HADHA: variants seen among roughly 807,000 people sequenced by gnomAD.
HADHA encodes the protein hydroxyacyl-CoA dehydrogenase trifunctional multienzyme complex subunit alpha.
Under a neutral mutation model 91.3 loss-of-function variants are expected in HADHA, and 59 were observed. That is an observed-to-expected ratio of 0.65 (90% confidence interval 0.52 to 0.80). The LOEUF (loss-of-function observed/expected upper bound fraction) is 0.80. Ranked by LOEUF, HADHA falls within the 30% of genes least tolerant of loss-of-function variation. The probability of loss-of-function intolerance (pLI) is 0.00; values close to 1 mark genes in which losing one functional copy is unlikely to be tolerated. For synonymous variants in HADHA, 320 were observed against 338.9 expected (o/e 0.94, Z 0.61); for missense variants, 800 against 927.6 (o/e 0.86, Z 1.79).
Position 26,199,755 on chromosome 2 carries a change from G to A in HADHA, c.1392+1394C>T, listed in dbSNP as rs190093855. Among the ~76,000 whole-genome samples the A allele has an allele frequency of 8.6e-5, 13 of 151,990 alleles. No individual in the cohort carries two copies. In the East Asian group the frequency reaches 2.3e-3, roughly 27 times the overall value. On this transcript the variant is annotated intron_variant, in intron 13 of 19. Coordinates refer to ENST00000380649, the MANE Select transcript of HADHA (RefSeq NM_000182.5). ...TTTTTTCTTCCTGACAATAAACTTA[G>A]GAAGCTCAGTAGCTTCTGCTTTTGT... is the stretch of plus-strand genomic sequence containing the variant.
chr2:26,193,495 G>T, intron 17 of HADHA, 82 bp downstream of exon 17: 1 of 1,148,664 alleles, frequency 8.7e-7, no homozygotes, highest in Non-Finnish European at 1.3e-6. Context: ...TTCCACGAGG[G>T]CTTCTGTAAC....
chr2:26,216,730 C>T (rs2147771030), intron 7 of HADHA, among the ~76,000 whole-genome samples: 1 of 152,232 alleles, frequency 6.6e-6, no homozygotes, highest in South Asian at 2.1e-4. Flanking sequence ...AGTCATAATC[C>T]TGAGGGAGGC....
chr2:26,239,220 T>C (rs942972038), intron 1 of HADHA, 77 bp from the exon 2 acceptor site: 3 of 976,320 alleles, frequency 3.1e-6, no homozygotes, highest in Non-Finnish European at 5.0e-6. Flanking sequence ...AAGCTGTAAT[T>C]TACAATAATA....
At chr2:26,227,532 G>T (rs894172849) in intron 7 of HADHA, among the ~76,000 whole-genome samples, 3 of 150,580 alleles carry the variant, frequency 2.0e-5, no homozygotes, top group Admixed American at 6.6e-5. Flanking sequence ...AAAGAAAAAA[G>T]AACTGTTACT....
At chr2:26,199,767 G>C (rs1669781681) in intron 13 of HADHA, among the ~76,000 whole-genome samples, 1 of 152,024 alleles carries the variant, frequency 6.6e-6, no homozygotes, top group South Asian at 2.1e-4. Flanking sequence ...AAGCTCAGTA[G>C]CTTCTGCTTT....
At position 26,244,569 on chromosome 2, in the gene HADHA, G is replaced by A; in HGVS notation, c.28C>T (p.Leu10Phe). 1 of 1,588,204 alleles carries A rather than the reference G, an allele frequency of 6.3e-7. No homozygotes were observed. The change falls in exon 1 of 20, where the codon CTC (leucine) becomes TTC (phenylalanine). Residue 10 changes from leucine (L) to phenylalanine (F), a missense_variant. Coordinates refer to ENST00000380649, the MANE Select transcript of HADHA (RefSeq NM_000182.5). MVACRAIGILSRFSAFRILR... is the reference protein window; with the variant it reads MVACRAIGIFSRFSAFRILR... ...ATCCTGAAGGCAGAAAAGCGGCTGA[G>A]GATGCCAATCGCCCGGCAGGCCACC... is the stretch of plus-strand genomic sequence containing the variant.
chr2:26,219,197 C>T (rs1006863070), intron 7 of HADHA, among the ~76,000 whole-genome samples: 15 of 150,054 alleles, frequency 1.0e-4, no homozygotes, highest in Admixed American at 7.9e-4. Flanking sequence ...GGTGTGATCT[C>T]GGCTCACTGC....
At chr2:26,202,367 T>C (rs1427949577) in intron 12 of HADHA, among the ~76,000 whole-genome samples, 1 of 152,172 alleles carries the variant, frequency 6.6e-6, no homozygotes, top group Non-Finnish European at 1.5e-5. Context: ...AAATGAAGAA[T>C]GAAGCTAAAC....
In HADHA at chr2:26,197,893, C is replaced by T. The variant is rs1456934894; in HGVS notation, c.1393-116G>A. On this transcript the variant is annotated intron_variant, in intron 13 of 19. Transcript: ENST00000380649. ...GCCCACTCTGTCCCCCACAACTGCT[C>T]AGACAGTAGATGTCACTCACCCAGA... is the stretch of plus-strand genomic sequence containing the variant. 22 of 736,942 alleles carry T rather than the reference C, an allele frequency of 3.0e-5. No individual in the cohort carries two copies. The East Asian group carries it at 5.0e-4, about 17-fold the overall frequency. The allele number at this position is 736,942 out of a possible 1,614,324, so 45.7% of individuals were successfully genotyped here. A position where few individuals can be genotyped will look rare whatever the true frequency, so the allele number is the denominator to read the frequency against.
At chr2:26,241,480 A>C (rs12185612) in intron 1 of HADHA, among the ~76,000 whole-genome samples, 37,851 of 146,900 alleles carry the variant, frequency 0.26, 4,784 homozygotes, top group Middle Eastern at 0.33. Flanking sequence ...ACAACAACAA[A>C]AAAAAAAAAA....
intron 11 of HADHA, among the ~76,000 whole-genome samples, chr2:26,208,393 C>T (rs1330154803): frequency 6.6e-6 from 1 of 152,122 alleles, no homozygotes; most frequent in Non-Finnish European, 1.5e-5. Flanking sequence ...GAGATGTATA[C>T]TACCTCCATA....
Position 26,210,328 on chromosome 2 carries a change from A to C in HADHA, c.976-439T>G, listed in dbSNP as rs1354661976. ...AGTGGCAGAAATGGAACTTGAACCAAGACAGTATGACTCTGAACTCCAGTT... is the reference window on the plus strand; with the variant it reads ...AGTGGCAGAAATGGAACTTGAACCACGACAGTATGACTCTGAACTCCAGTT... On this transcript the variant is annotated intron_variant, in intron 10 of 19. Transcript: ENST00000380649. This position sits in a 1 kb window ranked among gnomAD's most constrained non-coding sequence, Gnocchi z 4.0. Among the ~76,000 whole-genome samples, 1 of 152,214 alleles carries C rather than the reference A, an allele frequency of 6.6e-6. No individual in the cohort carries two copies. The highest frequency in any genetic ancestry group is 1.5e-5 in the Non-Finnish European group (1 of 68,032).
chr2:26,197,378 A>C (rs115957822), intron 14 of HADHA, among the ~76,000 whole-genome samples: 71 of 152,324 alleles, frequency 4.7e-4, no homozygotes, highest in African/African-American at 1.6e-3. Context: ...TCTGTAGCCA[A>C]ACTGGTATTT....
In HADHA at chr2:26,206,777, C is replaced by T. The variant is rs1239164302; in HGVS notation, c.1086-2581G>A. 3.9e-5 allele frequency among the ~76,000 whole-genome samples: 6 copies of T among 152,180 alleles called. No individual in the cohort carries two copies. The South Asian group carries it at 6.2e-4, about 16-fold the overall frequency. On this transcript the variant is annotated intron_variant, in intron 11 of 19. Coordinates refer to ENST00000380649, the MANE Select transcript of HADHA (RefSeq NM_000182.5). ...TGAAAAATTGTAACAGCCAGTAATTCGTCAACAGGGGATTAAAAGGAAGGA... is the reference window on the plus strand; with the variant it reads ...TGAAAAATTGTAACAGCCAGTAATTTGTCAACAGGGGATTAAAAGGAAGGA...
Position 26,191,518 on chromosome 2 carries a change from G to A in HADHA, c.2111C>T (p.Ala704Val). 6.2e-7 allele frequency: 1 copy of A among 1,614,170 alleles called. No homozygotes were observed. Among genetic ancestry groups the A allele is most frequent in the Non-Finnish European group, 8.5e-7 (1 of 1,180,038 alleles). ...AGGCGGGAAGCCAAGCCCAAAGACG[G>A]CTCCGATGTCTCCCTCTGCAGGTGT... ...LATPAEGDIG[A>V]VFGLGFPPCL... The change falls in exon 19 of 20, where the codon GCC becomes GTC. Residue 704 changes from alanine (A) to valine (V), a missense_variant. Ala to Val is a moderately conservative substitution (Grantham distance 64). Transcript: ENST00000380649.
Position 26,240,655 on chromosome 2 carries a change from A to AT in HADHA, c.68-1513dup, listed in dbSNP as rs149266552. Among the ~76,000 whole-genome samples, 10 of 152,028 alleles carry AT rather than the reference A, an allele frequency of 6.6e-5. No homozygotes were observed. The East Asian group carries it at 1.2e-3, about 18-fold the overall frequency. On this transcript the variant is annotated intron_variant, in intron 1 of 19. Transcript: ENST00000380649. Reference sequence around the variant, plus strand: ...GCATGGGTTGCAATATTTCAAAAACATTTTTTTTCTTTGAGACGAGGTCTC... The same window carrying AT: ...GCATGGGTTGCAATATTTCAAAAACATTTTTTTTTCTTTGAGACGAGGTCTC...
intron 17 of HADHA, among the ~76,000 whole-genome samples, chr2:26,193,135 G>A (rs1669560447): frequency 6.6e-6 from 1 of 152,046 alleles, no homozygotes; most frequent in Non-Finnish European, 1.5e-5. Flanking sequence ...CGGATGCAGA[G>A]CTTGCTTCTG....
chr2:26,194,508 T>C (rs1241595783), intron 16 of HADHA, 62 bp downstream of exon 16: 1 of 997,980 alleles, frequency 1.0e-6, no homozygotes, highest in Non-Finnish European at 1.6e-6. Flanking sequence ...CTTGACATCA[T>C]GAGTTTTAGA....
chr2:26,203,339 T>C (rs541172363), intron 12 of HADHA, among the ~76,000 whole-genome samples: 4 of 152,278 alleles, frequency 2.6e-5, no homozygotes, highest in Admixed American at 6.5e-5. Context: ...AGCTTGTCCA[T>C]TAAATGTGAG....
Sources: gnomAD v4.1 joint callset for allele counts (sites outside exome capture counted in the v4.1 genomes callset) on GRCh38, gnomAD v4.1.1 for gene constraint, Gnocchi (gnomAD v3.1) non-coding constraint, MANE v1.5 for transcripts, NCBI Gene and HGNC (gene_info 2026-07-23, HGNC 2026-07-21) for gene names.